Variants in MEI4 observed in about 807,000 individuals in gnomAD.
MEI4 encodes the protein meiosis-specific protein MEI4.
A neutral mutation model predicts 31.4 loss-of-function variants in MEI4; 27 were observed. That is an observed-to-expected ratio of 0.86 (90% CI 0.63 to 1.19). The LOEUF (loss-of-function observed/expected upper bound fraction) is 1.19, where lower values mean the gene tolerates loss of function less well. Among genes scored for constraint, MEI4 ranks in the 50% most tolerant of loss-of-function variants. MEI4 has a pLI of 0.00. For missense variants in MEI4, 329 were observed against 398.9 expected, an observed-to-expected ratio of 0.82 and a Z score of 1.49; for synonymous variants, 122 against 145.4, an observed-to-expected ratio of 0.84 and a Z score of 1.16.
intron 3 of MEI4, among the ~76,000 whole-genome samples, chr6:77,781,936 T>C (rs1414411652): frequency 3.3e-5 from 5 of 152,184 alleles, no homozygotes; most frequent in Non-Finnish European, 7.4e-5. Context: ...GAACCATCTC[T>C]GCAATGGTTA....
intron 4 of MEI4, among the ~76,000 whole-genome samples, chr6:77,906,986 T>C (rs1766310837): frequency 1.3e-5 from 2 of 151,284 alleles, no homozygotes; most frequent in South Asian, 2.1e-4. Flanking sequence ...CTGAGACATT[T>C]ATACATTCTT....
At chr6:77,672,992 A>G (rs1339457908) in intron 1 of MEI4, among the ~76,000 whole-genome samples, 1 of 152,228 alleles carries the variant, frequency 6.6e-6, no homozygotes, top group Non-Finnish European at 1.5e-5. Flanking sequence ...AATAACAGCA[A>G]TCATGATAGA....
intron 1 of MEI4, among the ~76,000 whole-genome samples, chr6:77,684,290 G>A (rs1419672165): frequency 6.6e-6 from 1 of 151,918 alleles, no homozygotes; most frequent in Non-Finnish European, 1.5e-5. Context: ...TATTTATGGG[G>A]TACATGAGAT....
chr6:77,669,784 T>C (rs947197232), intron 1 of MEI4, among the ~76,000 whole-genome samples: 2 of 152,222 alleles, frequency 1.3e-5, no homozygotes, highest in African/African-American at 4.8e-5. Context: ...ACAACAACTC[T>C]ATGATGTAGC....
At chr6:77,908,159 C>A (rs1355580920) in intron 4 of MEI4, among the ~76,000 whole-genome samples, 4 of 152,040 alleles carry the variant, frequency 2.6e-5, no homozygotes, top group African/African-American at 9.7e-5. Context: ...TTAATTAGAT[C>A]CCATTTGTCA....
At position 77,821,799 on chromosome 6, in the gene MEI4, CAAAAAAAAA is replaced by C. The variant is rs34905460; in HGVS notation, c.769-7116_769-7108del. On this transcript the variant is annotated intron_variant, in intron 3 of 4. Transcript: ENST00000684080. ...CAACAAGAGTGAAATGCCATCTCTC[CAAAAAAAAA>C]AAAAAAAAAAAAAAATCGTGCTGCT... 2.0e-3 allele frequency among the ~76,000 whole-genome samples: 189 copies of C among 93,042 alleles called. 1 individual carries two copies. The highest frequency in any genetic ancestry group is 7.1e-3 in the African/African-American group (165 of 23,316). 61.0% of individuals were successfully genotyped at this position (93,042 alleles called of 152,430 possible).
intron 4 of MEI4, among the ~76,000 whole-genome samples, chr6:77,844,383 TA>T (rs1770431268): frequency 6.6e-6 from 1 of 152,162 alleles, no homozygotes; most frequent in Non-Finnish European, 1.5e-5. Flanking sequence ...AGGGTCATAG[TA>T]AAACTTCTTT....
At position 77,923,969 on chromosome 6, in the gene MEI4, G is replaced by GTTCT. The variant is rs1766779474; in HGVS notation, c.*626_*629dup. On this transcript the variant is annotated 3_prime_UTR_variant, in exon 5 of 5. Coordinates refer to ENST00000684080, the MANE Select transcript of MEI4 (RefSeq NM_001322247.2). ...ATACTATTAATTAGTTGTTTAAAAT[G>GTTCT]TTCTTTGTTTTTCAACAAATACTTG... The GTTCT allele has an allele frequency of 6.6e-6, 1 of 151,432 alleles. No homozygotes were observed. Among genetic ancestry groups the GTTCT allele is most frequent in the Non-Finnish European group, 1.5e-5 (1 of 67,744 alleles). The allele number at this position is 151,432 out of a possible 1,614,324, so 9.4% of individuals were successfully genotyped here. A position where few individuals can be genotyped will look rare whatever the true frequency, so the allele number is the denominator to read the frequency against.
At chr6:77,711,104 T>G (rs1766455453) in intron 2 of MEI4, among the ~76,000 whole-genome samples, 1 of 131,184 alleles carries the variant, frequency 7.6e-6, no homozygotes, top group Admixed American at 7.8e-5. Flanking sequence ...TGGGGGAGAA[T>G]AGAGAGATGT....
At chr6:77,756,757 G>A (rs776838317) in intron 2 of MEI4, among the ~76,000 whole-genome samples, 2 of 151,538 alleles carry the variant, frequency 1.3e-5, no homozygotes, top group Non-Finnish European at 2.9e-5. Flanking sequence ...TTGTGGTTTG[G>A]TATAATTTTC....
At chr6:77,663,733 G>A (rs528008148) in intron 1 of MEI4, among the ~76,000 whole-genome samples, 5 of 152,052 alleles carry the variant, frequency 3.3e-5, no homozygotes, top group African/African-American at 9.7e-5. Context: ...AAGGGGACGG[G>A]CTTACCTTCC....
chr6:77,758,755 C>T (rs118071085), intron 2 of MEI4, among the ~76,000 whole-genome samples: 8,339 of 152,286 alleles, frequency 0.055, 320 homozygotes, highest in Middle Eastern at 0.13. Flanking sequence ...CCATTCTTTT[C>T]TCATATTTCC....
intron 3 of MEI4, among the ~76,000 whole-genome samples, chr6:77,791,656 A>G (rs1041445112): frequency 6.8e-6 from 1 of 148,044 alleles, no homozygotes; most frequent in Non-Finnish European, 1.5e-5. Flanking sequence ...CAATGTGCAC[A>G]TGTACCCTAA....
rs192394394 is a variant in MEI4, at chr6:77,925,507, G to C, written c.*2161G>C. The C allele has an allele frequency of 6.6e-6, 1 of 151,706 alleles. No individual in the cohort carries two copies. The highest frequency in any genetic ancestry group is 2.4e-5 in the African/African-American group (1 of 41,426). 9.4% of individuals were successfully genotyped at this position (151,706 alleles called of 1,614,324 possible). On this transcript the variant is annotated 3_prime_UTR_variant, in exon 5 of 5. Coordinates refer to ENST00000684080, the MANE Select transcript of MEI4 (RefSeq NM_001322247.2). ...TTTATCTGTGTTTCAGTAAAGCAGT[G>C]AATTAATGAATGATTTAAACTGGTA...
At chr6:77,901,144 G>T (rs1766180086) in intron 4 of MEI4, among the ~76,000 whole-genome samples, 1 of 151,916 alleles carries the variant, frequency 6.6e-6, no homozygotes, top group Admixed American at 6.6e-5. Context: ...GATTCCCTAT[G>T]TTGGTTGTTG....
chr6:77,922,325 A>C (rs189431071), intron 4 of MEI4, among the ~76,000 whole-genome samples: 337 of 151,850 alleles, frequency 2.2e-3, no homozygotes, highest in African/African-American at 7.3e-3. Flanking sequence ...TTTGAGTTCT[A>C]ATTAGTCTAC....
intron 4 of MEI4, among the ~76,000 whole-genome samples, chr6:77,905,239 T>C (rs1209124884): frequency 2.0e-5 from 3 of 152,070 alleles, no homozygotes; most frequent in Non-Finnish European, 4.4e-5. Context: ...GTATACATCA[T>C]CTCTCTCTTC....
chr6:77,697,107 G>A lies in MEI4; in HGVS notation c.232+6204G>A, dbSNP rs574559186. On this transcript the variant is annotated intron_variant, in intron 2 of 4. Transcript: ENST00000684080. ...AGTTTGTATTTCTGTGTGATCGGTG[G>A]TGTTATTCCCGTTATCATTTTTTAT... is the stretch of plus-strand genomic sequence containing the variant. 1.4e-3 allele frequency among the ~76,000 whole-genome samples: 212 copies of A among 152,204 alleles called. 1 individual carries two copies. The highest frequency in any genetic ancestry group is 4.5e-3 in the African/African-American group (186 of 41,530).
chr6:77,786,721 C>T (rs1055121059), intron 3 of MEI4, among the ~76,000 whole-genome samples: 1 of 151,952 alleles, frequency 6.6e-6, no homozygotes. Flanking sequence ...AATGGGAAGG[C>T]ATTACTCAAA....
Sources: gnomAD v4.1 joint callset for allele counts (sites outside exome capture counted in the v4.1 genomes callset) on GRCh38, gnomAD v4.1.1 for gene constraint, MANE v1.5 for transcripts, NCBI Gene and HGNC (gene_info 2026-07-23, HGNC 2026-07-21) for gene names.